The following CMSS1 variants were observed in gnomAD, a reference collection of about 807,000 sequenced individuals.
The protein encoded by CMSS1 is cms1 ribosomal small subunit homolog, also known as protein CMSS1.
A neutral mutation model predicts 43.5 loss-of-function variants in CMSS1; 33 were observed. The observed-to-expected ratio is 0.76, with a 90% CI of 0.57 to 1.01. The LOEUF is 1.01. Ranked by LOEUF, CMSS1 falls within the 50% of genes least tolerant of loss-of-function variation. The pLI, the probability that CMSS1 is intolerant of heterozygous loss-of-function variation, is 0.00. For missense variants in CMSS1, 313 were observed against 326.4 expected (o/e 0.96, Z 0.32); for synonymous variants, 115 against 117.2 (o/e 0.98, Z 0.12).
At chr3:99,899,743 C>T (rs1327029925) in intron 1 of CMSS1, among the ~76,000 whole-genome samples, 1 of 152,188 alleles carries the variant, frequency 6.6e-6, no homozygotes, top group Non-Finnish European at 1.5e-5. Flanking sequence ...TCTTAATGCA[C>T]ATTAACTCCC....
intron 1 of CMSS1, among the ~76,000 whole-genome samples, chr3:100,044,680 T>G (rs1364722182): frequency 6.6e-6 from 1 of 152,122 alleles, no homozygotes. Flanking sequence ...GAGTAACCAT[T>G]GAAAGATTTT....
chr3:100,036,384 G>A (rs570198411), intron 1 of CMSS1, among the ~76,000 whole-genome samples: 2 of 152,284 alleles, frequency 1.3e-5, no homozygotes, highest in East Asian at 3.9e-4. Flanking sequence ...ATGAGGACAT[G>A]TCAAAAGGAC....
intron 1 of CMSS1, among the ~76,000 whole-genome samples, chr3:99,991,385 A>G (rs1709505514): frequency 6.6e-6 from 1 of 152,176 alleles, no homozygotes; most frequent in Non-Finnish European, 1.5e-5. Context: ...GTTCCAAGGT[A>G]TATTCCTATT....
At chr3:99,854,979 C>T (rs1469220629) in intron 1 of CMSS1, among the ~76,000 whole-genome samples, 2 of 152,248 alleles carry the variant, frequency 1.3e-5, no homozygotes, top group Admixed American at 1.3e-4. Context: ...GGGTGGGCCT[C>T]ACAATTTGCC....
chr3:100,141,854 G>A (rs538476278), intron 1 of CMSS1, among the ~76,000 whole-genome samples: 1 of 152,302 alleles, frequency 6.6e-6, no homozygotes, highest in Non-Finnish European at 1.5e-5. Context: ...CAACCACTGG[G>A]ACTGAGTGGC....
intron 1 of CMSS1, among the ~76,000 whole-genome samples, chr3:100,030,201 A>G (rs1482997658): frequency 1.3e-5 from 2 of 152,124 alleles, no homozygotes; most frequent in African/African-American, 4.8e-5. Flanking sequence ...CTAGTTTAAT[A>G]TTATTTTCTC....
At position 99,973,746 on chromosome 3, in the gene CMSS1, C is replaced by T. The variant is rs1708890145; in HGVS notation, c.64+155703C>T. On this transcript the variant is annotated intron_variant, in intron 1 of 9. Coordinates refer to ENST00000421999, the MANE Select transcript of CMSS1 (RefSeq NM_032359.4). Reference sequence around the variant, plus strand: ...CCTATTTAAGCTCACTTTTTTCCCCCAGTTTGGGTAGCTTTATAATGAAGG... The same window carrying T: ...CCTATTTAAGCTCACTTTTTTCCCCTAGTTTGGGTAGCTTTATAATGAAGG... Among the ~76,000 whole-genome samples the T allele has an allele frequency of 3.9e-5, 6 of 152,234 alleles. No individual in the cohort carries two copies. In the South Asian group the frequency reaches 1.2e-3, roughly 32 times the overall value.
intron 1 of CMSS1, among the ~76,000 whole-genome samples, chr3:100,112,993 A>G (rs2066515315): frequency 6.6e-6 from 1 of 152,202 alleles, no homozygotes; most frequent in African/African-American, 2.4e-5. Context: ...TGTAATTGCA[A>G]TGCATTCTCT....
intron 1 of CMSS1, chr3:99,848,467 T>C (rs1412357410): frequency 6.2e-7 from 1 of 1,614,090 alleles, no homozygotes; most frequent in Non-Finnish European, 8.5e-7. Flanking sequence ...AGCTTGCATG[T>C]AAGGACTTCC....
At chr3:99,971,256 C>T (rs930154638) in intron 1 of CMSS1, among the ~76,000 whole-genome samples, 5 of 150,870 alleles carry the variant, frequency 3.3e-5, no homozygotes, top group African/African-American at 7.3e-5. Context: ...AGGAGAATGG[C>T]GTGAACCCGG....
intron 1 of CMSS1, among the ~76,000 whole-genome samples, chr3:100,051,707 A>G (rs2065376435): frequency 6.6e-6 from 1 of 151,856 alleles, no homozygotes; most frequent in Non-Finnish European, 1.5e-5. Context: ...ATGGCTGCAT[A>G]GTATTCCATG....
intron 1 of CMSS1, among the ~76,000 whole-genome samples, chr3:100,028,035 T>C (rs1366159003): frequency 2.0e-5 from 3 of 152,206 alleles, no homozygotes; most frequent in Non-Finnish European, 4.4e-5. Context: ...TGGATTTATA[T>C]TGATTAAATT....
At chr3:99,905,384 A>G (rs1402790135) in intron 1 of CMSS1, among the ~76,000 whole-genome samples, 1 of 152,060 alleles carries the variant, frequency 6.6e-6, no homozygotes, top group Non-Finnish European at 1.5e-5. Context: ...CTTGTCCTCT[A>G]CCAGTCTTCT....
intron 1 of CMSS1, among the ~76,000 whole-genome samples, chr3:99,896,471 G>A (rs996059567): frequency 9.2e-5 from 14 of 152,102 alleles, no homozygotes; most frequent in African/African-American, 3.1e-4. Context: ...TTCATGAATG[G>A]TAGTCACCTT....
chr3:100,129,048 T>C (rs1276044211), intron 1 of CMSS1, among the ~76,000 whole-genome samples: 1 of 152,214 alleles, frequency 6.6e-6, no homozygotes, highest in Non-Finnish European at 1.5e-5. Context: ...ATACAGACAG[T>C]ATCATGAGAT....
At chr3:100,007,359 C>T (rs1710017637) in intron 1 of CMSS1, among the ~76,000 whole-genome samples, 2 of 152,108 alleles carry the variant, frequency 1.3e-5, no homozygotes, top group Non-Finnish European at 2.9e-5. Context: ...GATGATGTGT[C>T]TGCCCACAAA....
At chr3:99,987,543 A>G (rs541177013) in intron 1 of CMSS1, among the ~76,000 whole-genome samples, 57 of 151,034 alleles carry the variant, frequency 3.8e-4, no homozygotes, top group South Asian at 1.0e-3. Flanking sequence ...AAAAAAAAAA[A>G]AAAGAAAGAA....
At chr3:99,849,851 G>T (rs932977160) in intron 1 of CMSS1, 2 of 1,610,566 alleles carry the variant, frequency 1.2e-6, no homozygotes, top group African/African-American at 1.3e-5. Context: ...CCAGAGTCTT[G>T]ATTTAATTTG....
At chr3:99,914,406 A>G (rs2107642864) in intron 1 of CMSS1, among the ~76,000 whole-genome samples, 1 of 152,312 alleles carries the variant, frequency 6.6e-6, no homozygotes, top group Non-Finnish European at 1.5e-5. Context: ...AAATGTTATA[A>G]TCTTTAAGTG....
Sources: allele counts gnomAD v4.1 joint callset (sites outside exome capture counted in the v4.1 genomes callset), GRCh38; gene constraint gnomAD v4.1.1; transcripts MANE v1.5; gene names NCBI Gene and HGNC (gene_info 2026-07-23, HGNC 2026-07-21).